ARPP21: variants seen among roughly 807,000 people sequenced by gnomAD.
ARPP21 encodes cAMP-regulated phosphoprotein 21.
In ARPP21, 69 loss-of-function variants were observed where a neutral mutation model predicts 113.2. The ratio of observed to expected loss-of-function variants is 0.61; its 90% CI spans 0.50 to 0.74. The LOEUF is 0.74. ARPP21 is among the 30% of genes least tolerant of loss of function. The probability of loss-of-function intolerance (pLI) is 0.00; values close to 1 mark genes in which losing one functional copy is unlikely to be tolerated. For missense variants in ARPP21, 1,070 were observed against 1,037.4 expected (o/e 1.03, Z -0.43); for synonymous variants, 368 against 375.5 (o/e 0.98, Z 0.23).
At chr3:35,685,030 G>T in intron 5 of ARPP21, 1 of 984,820 alleles carries the variant, frequency 1.0e-6, no homozygotes. Flanking sequence ...TTGATTGATG[G>T]CTTGTAATGT....
chr3:35,668,017 GAAGAAGAAGAAGAA>G (rs2075277056), intron 1 of ARPP21, among the ~76,000 whole-genome samples: 22 of 149,588 alleles, frequency 1.5e-4, no homozygotes, highest in Non-Finnish European at 2.4e-4. Flanking sequence ...AGAAGAAGAA[GAAGAAGAAGAAGAA>G]GGAGAAGAAG....
chr3:35,791,284 C>T (rs1033147936), intron 19 of ARPP21, among the ~76,000 whole-genome samples: 1 of 151,818 alleles, frequency 6.6e-6, no homozygotes, highest in South Asian at 2.1e-4. Context: ...TTTTAAAATC[C>T]GATTGTGAAA....
At chr3:35,713,288 A>G (rs1224207276) in intron 11 of ARPP21, among the ~76,000 whole-genome samples, 1 of 152,178 alleles carries the variant, frequency 6.6e-6, no homozygotes, top group African/African-American at 2.4e-5. Context: ...ATCACAGCCC[A>G]TAACTGTATC....
chr3:35,704,501 A>C (rs1450264698), intron 9 of ARPP21, among the ~76,000 whole-genome samples: 1 of 151,914 alleles, frequency 6.6e-6, no homozygotes, highest in African/African-American at 2.4e-5. Context: ...ATGTCTTCCC[A>C]AGATACTCTC....
intron 19 of ARPP21, chr3:35,744,583 T>G: frequency 2.0e-6 from 1 of 511,476 alleles, no homozygotes; most frequent in Middle Eastern, 3.2e-4. Context: ...AATGCCGTTA[T>G]CCAAAGAGCA....
chr3:35,715,046 A>T (rs1258503418), intron 11 of ARPP21: 2 of 177,516 alleles, frequency 1.1e-5, no homozygotes, highest in African/African-American at 4.8e-5. Context: ...TGGAGTCTGC[A>T]CGCTCTGCTT....
chr3:35,658,917 C>G (rs1706327030), intron 1 of ARPP21, among the ~76,000 whole-genome samples: 1 of 152,040 alleles, frequency 6.6e-6, no homozygotes, highest in Non-Finnish European at 1.5e-5. Context: ...GAATTAGGGT[C>G]TTGTTTACAC....
chr3:35,772,990 T>TA (rs1255614994), intron 19 of ARPP21, among the ~76,000 whole-genome samples: 1 of 152,312 alleles, frequency 6.6e-6, no homozygotes, highest in South Asian at 2.1e-4. Flanking sequence ...CAAAGTGAGA[T>TA]AAAAAGGATT....
At chr3:35,707,404 A>G in intron 10 of ARPP21, 1 of 522,108 alleles carries the variant, frequency 1.9e-6, no homozygotes, top group Non-Finnish European at 3.7e-6. Context: ...TGTCAGTCGC[A>G]TATCCAGATG....
chr3:35,714,018 C>T (rs1176799495), intron 11 of ARPP21, among the ~76,000 whole-genome samples: 1 of 152,144 alleles, frequency 6.6e-6, no homozygotes, highest in Non-Finnish European at 1.5e-5. Context: ...GAAGTTAGGA[C>T]ATTTAGTGTA....
intron 1 of ARPP21, among the ~76,000 whole-genome samples, chr3:35,645,004 G>A (rs757340150): frequency 6.6e-6 from 1 of 151,858 alleles, no homozygotes; most frequent in Non-Finnish European, 1.5e-5. Context: ...ACATTAAAAT[G>A]TTGAAGCATT....
At chr3:35,693,782 T>A (rs904810858) in intron 9 of ARPP21, among the ~76,000 whole-genome samples, 1 of 151,640 alleles carries the variant, frequency 6.6e-6, no homozygotes, top group Non-Finnish European at 1.5e-5. Context: ...ATTTCTGGAT[T>A]GAAATGTCTT....
intron 9 of ARPP21, among the ~76,000 whole-genome samples, chr3:35,694,685 A>G (rs1334007545): frequency 6.6e-6 from 1 of 151,100 alleles, no homozygotes; most frequent in Non-Finnish European, 1.5e-5. Flanking sequence ...CAGAGCCTTC[A>G]AGAAGAGTCC....
chr3:35,651,682 C>G (rs1182147157), intron 1 of ARPP21: 2 of 151,978 alleles, frequency 1.3e-5, no homozygotes, highest in Non-Finnish European at 2.9e-5. Flanking sequence ...GGGGATTGTT[C>G]TAAGAATTAA....
chr3:35,784,418 C>A (rs1053274821), intron 19 of ARPP21, among the ~76,000 whole-genome samples: 1 of 152,142 alleles, frequency 6.6e-6, no homozygotes, highest in Non-Finnish European at 1.5e-5. Flanking sequence ...CAAATCAGCG[C>A]TTTTGTTTTT....
intron 9 of ARPP21, among the ~76,000 whole-genome samples, chr3:35,699,365 G>A (rs1575993974): frequency 6.6e-6 from 1 of 151,750 alleles, no homozygotes; most frequent in East Asian, 1.9e-4. Flanking sequence ...AGGGCTGACA[G>A]TGATTTTAGC....
At chr3:35,667,839 TCAAAGA>T (rs1473424297) in intron 1 of ARPP21, among the ~76,000 whole-genome samples, 1,671 of 48,406 alleles carry the variant, frequency 0.035, 129 homozygotes, top group African/African-American at 0.089. Context: ...ACTTTTATTC[TCAAAGA>T]AGAAGAAGAA....
chr3:35,756,826 C>T (rs1194257238), intron 19 of ARPP21, among the ~76,000 whole-genome samples: 1 of 152,076 alleles, frequency 6.6e-6, no homozygotes, highest in Non-Finnish European at 1.5e-5. Context: ...AGATTAAAAC[C>T]AAAAGCACAC....
At chr3:35,748,306 GAAAGAAAGAAAGAA>G (rs566140574) in intron 19 of ARPP21, among the ~76,000 whole-genome samples, 10 of 114,972 alleles carry the variant, frequency 8.7e-5, no homozygotes, top group African/African-American at 3.0e-4. Context: ...AAGGAAGAAA[GAAAGAAAGAAAGAA>G]AAAGAAAGAA....
Sources: gnomAD v4.1 joint callset for allele counts (sites outside exome capture counted in the v4.1 genomes callset) on GRCh38, gnomAD v4.1.1 for gene constraint, MANE v1.5 for transcripts, NCBI Gene and HGNC (gene_info 2026-07-23, HGNC 2026-07-21) for gene names.